CGGBP1: variants seen among roughly 807,000 people sequenced by gnomAD.
CGGBP1 encodes the protein CGG triplet repeat binding protein 1.
CGGBP1 carries 4 observed loss-of-function variants against 11.4 expected under a neutral mutation model. That is an observed-to-expected ratio of 0.35 (90% CI 0.17 to 0.80). The LOEUF is 0.80. Among genes scored for constraint, CGGBP1 ranks in the 30% least tolerant of loss-of-function variants. The probability of loss-of-function intolerance (pLI) is 0.52; values close to 1 mark genes in which losing one functional copy is unlikely to be tolerated. For synonymous variants in CGGBP1, 76 were observed against 74.1 expected, an observed-to-expected ratio of 1.03 and a Z score of -0.13; for missense variants, 135 against 202.1, an observed-to-expected ratio of 0.67 and a Z score of 2.01.
intron 2 of CGGBP1, among the ~76,000 whole-genome samples, chr3:88,125,169 C>T (rs1706020144): frequency 6.6e-6 from 1 of 150,974 alleles, no homozygotes; most frequent in Non-Finnish European, 1.5e-5. Context: ...GAGCCAAGAT[C>T]GTGCCACTGC....
intron 2 of CGGBP1, chr3:88,140,620 A>C: frequency 3.1e-6 from 5 of 1,613,764 alleles, no homozygotes; most frequent in Non-Finnish European, 4.2e-6. Flanking sequence ...AGTGAAATAG[A>C]GCAAACACCT....
intron 2 of CGGBP1, among the ~76,000 whole-genome samples, chr3:88,079,105 A>G (rs1056860479): frequency 2.6e-5 from 4 of 152,122 alleles, no homozygotes; most frequent in Admixed American, 1.3e-4. Flanking sequence ...TATTGGATCT[A>G]TATGAAAAAG....
At chr3:88,143,553 A>G (rs1214777720) in intron 1 of CGGBP1, 21 of 152,310 alleles carry the variant, frequency 1.4e-4, no homozygotes, top group Non-Finnish European at 8.9e-5. Context: ...TCTGCTTTGT[A>G]CATTTTCCAG....
intron 2 of CGGBP1, among the ~76,000 whole-genome samples, chr3:88,095,245 C>T (rs1430414736): frequency 6.6e-6 from 1 of 151,920 alleles, no homozygotes; most frequent in African/African-American, 2.4e-5. Flanking sequence ...ATAGGACTAT[C>T]AGTTATGTTA....
intron 2 of CGGBP1, among the ~76,000 whole-genome samples, chr3:88,114,387 G>T (rs1178611598): frequency 6.6e-6 from 1 of 152,120 alleles, no homozygotes; most frequent in East Asian, 1.9e-4. Flanking sequence ...CACTTTAAAT[G>T]TATGAAAAAC....
rs1323606338 is a variant in CGGBP1 at position 88,055,512 on chromosome 3, A to G, written c.465T>C (p.Tyr155=). 6.5e-7 allele frequency: 1 copy of G among 1,540,154 alleles called. No homozygotes were observed. Among genetic ancestry groups the G allele is most frequent in the African/African-American group, 1.4e-5 (1 of 72,802 alleles). Residue 155 remains tyrosine, a synonymous_variant, in exon 4 of 4, where the codon TAT becomes TAC. Coordinates refer to ENST00000482016, the MANE Select transcript of CGGBP1 (RefSeq NM_001008390.2). This position sits in a 1 kb window ranked among gnomAD's most constrained non-coding sequence, Gnocchi z 4.2. ...AGTTGAGGAGTTGATTCTCATTCTC[A>G]TATCCATCAGGAAGATATGCCCTCC... ...QLRRAYLPDG[Y]ENENQLLNSQ...
intron 2 of CGGBP1, among the ~76,000 whole-genome samples, chr3:88,105,626 A>G (rs2107735633): frequency 6.6e-6 from 1 of 152,220 alleles, no homozygotes; most frequent in East Asian, 1.9e-4. Flanking sequence ...ACCATTTTGT[A>G]TAACCTACCC....
intron 2 of CGGBP1, among the ~76,000 whole-genome samples, chr3:88,106,986 A>G (rs1445464070): frequency 1.3e-5 from 2 of 152,182 alleles, no homozygotes; most frequent in African/African-American, 4.8e-5. Flanking sequence ...TTCGTGTGCC[A>G]ACACAATGTT....
intron 2 of CGGBP1, among the ~76,000 whole-genome samples, chr3:88,074,616 T>C (rs182209350): frequency 2.8e-4 from 42 of 152,244 alleles, no homozygotes; most frequent in Admixed American, 2.3e-3. Context: ...TGCTGGATTA[T>C]AAGCGTGAGC....
upstream of CGGBP1, among the ~76,000 whole-genome samples, chr3:88,059,820 C>T (rs1206055996): frequency 6.6e-6 from 1 of 152,146 alleles, no homozygotes; most frequent in Non-Finnish European, 1.5e-5. Context: ...ACCTTCCTGC[C>T]CGAGAGTCCC....
At chr3:88,056,136 A>C in intron 3 of CGGBP1, 137 bp from the exon 4 acceptor site, 2 of 628,118 alleles carry the variant, frequency 3.2e-6, no homozygotes, top group Non-Finnish European at 5.2e-6. Context: ...TGTGTCTATT[A>C]ATCTTAACTT....
intron 2 of CGGBP1, among the ~76,000 whole-genome samples, chr3:88,105,814 C>T (rs1704702692): frequency 6.6e-6 from 1 of 152,000 alleles, no homozygotes; most frequent in Non-Finnish European, 1.5e-5. Flanking sequence ...TATGCTTTAT[C>T]CCCCCAAAAC....
At chr3:88,061,739 T>G (rs574061645), upstream of CGGBP1, among the ~76,000 whole-genome samples, 1 of 152,338 alleles carries the variant, frequency 6.6e-6, no homozygotes, top group African/African-American at 2.4e-5. Context: ...TAATTCCTAG[T>G]CGAAGATTTC....
At chr3:88,096,323 C>T (rs1191126553) in intron 2 of CGGBP1, among the ~76,000 whole-genome samples, 3 of 151,986 alleles carry the variant, frequency 2.0e-5, no homozygotes, top group Non-Finnish European at 2.9e-5. Flanking sequence ...TACTAGAGCC[C>T]ACAGACAAGA....
chr3:88,072,099 C>G (rs1707549222), intron 2 of CGGBP1, among the ~76,000 whole-genome samples: 1 of 151,932 alleles, frequency 6.6e-6, no homozygotes. Flanking sequence ...ATAATAGGTA[C>G]TGTGTGAAAA....
At chr3:88,102,716 T>C (rs1006242862) in intron 2 of CGGBP1, among the ~76,000 whole-genome samples, 3 of 151,976 alleles carry the variant, frequency 2.0e-5, no homozygotes, top group African/African-American at 7.3e-5. Flanking sequence ...TCAGTTTAAC[T>C]TCTAACCGGT....
At position 88,113,176 on chromosome 3, in the gene CGGBP1, G is replaced by A. The variant is rs1307524156; in HGVS notation, c.-229+27794C>T. On this transcript the variant is annotated intron_variant, in intron 2 of 3. Transcript: ENST00000462901. ...TGAGTTTTATGAAGAGCCCTTAAAG[G>A]ATATTCTTGGATCATTCCAGGTAAA... 30 of 1,533,096 alleles carry A rather than the reference G, an allele frequency of 2.0e-5. No homozygotes were observed. The East Asian group carries it at 7.1e-4, about 36-fold the overall frequency. The allele number at this position is 1,533,096 out of a possible 1,614,324, so 95.0% of individuals were successfully genotyped here.
At chr3:88,111,940 C>A (rs1705112792) in intron 2 of CGGBP1, among the ~76,000 whole-genome samples, 1 of 151,776 alleles carries the variant, frequency 6.6e-6, no homozygotes, top group Non-Finnish European at 1.5e-5. Context: ...AAAACAAATC[C>A]ACTTGCATTT....
At chr3:88,088,910 T>G (rs1297679973) in intron 2 of CGGBP1, among the ~76,000 whole-genome samples, 1 of 151,588 alleles carries the variant, frequency 6.6e-6, no homozygotes, top group Non-Finnish European at 1.5e-5. Context: ...GTAGCTGGGA[T>G]GACAGGCACC....
Sources: gnomAD v4.1 joint callset for allele counts (sites outside exome capture counted in the v4.1 genomes callset) on GRCh38, gnomAD v4.1.1 for gene constraint, Gnocchi (gnomAD v3.1) non-coding constraint, MANE v1.5 for transcripts, NCBI Gene and HGNC (gene_info 2026-07-23, HGNC 2026-07-21) for gene names.